Variants in TRIM66 observed in about 807,000 individuals in gnomAD.
The protein encoded by TRIM66 is tripartite motif-containing protein 66.
A neutral mutation model predicts 148.2 loss-of-function variants in TRIM66; 99 were observed. The observed-to-expected ratio is 0.67, with a 90% CI of 0.57 to 0.79. TRIM66 has a LOEUF of 0.79. Among genes scored for constraint, TRIM66 ranks in the 30% least tolerant of loss-of-function variants. The probability of loss-of-function intolerance (pLI) is 0.00; values close to 1 mark genes in which losing one functional copy is unlikely to be tolerated. For missense variants in TRIM66, 1,666 were observed against 1,697.9 expected (o/e 0.98, Z 0.33); for synonymous variants, 616 against 635.9 (o/e 0.97, Z 0.47).
At chr11:8,620,825 T>C (rs1022985803) in intron 20 of TRIM66, among the ~76,000 whole-genome samples, 2 of 152,052 alleles carry the variant, frequency 1.3e-5, no homozygotes, top group Non-Finnish European at 2.9e-5. Flanking sequence ...AGAAAAGAGG[T>C]AGAAATGAAG....
intron 6 of TRIM66, among the ~76,000 whole-genome samples, chr11:8,652,664 T>A (rs2037460560): frequency 6.6e-6 from 1 of 152,114 alleles, no homozygotes; most frequent in African/African-American, 2.4e-5. Context: ...CCACAGTGAT[T>A]CTGCCGGCCC....
upstream of TRIM66, chr11:8,682,923 C>A: frequency 2.1e-6 from 3 of 1,412,006 alleles, no homozygotes; most frequent in Non-Finnish European, 2.9e-6. Flanking sequence ...GGCTTCCAGG[C>A]TGCGCATGGC....
chr11:8,667,077 C>CA (rs1190952908), intron 6 of TRIM66, among the ~76,000 whole-genome samples: 3 of 152,170 alleles, frequency 2.0e-5, no homozygotes, highest in African/African-American at 4.8e-5. Context: ...CTTGGCCTCT[C>CA]AAAGTGCTGG....
At chr11:8,664,715 T>C (rs2038480797) in intron 6 of TRIM66, among the ~76,000 whole-genome samples, 1 of 152,190 alleles carries the variant, frequency 6.6e-6, no homozygotes, top group South Asian at 2.1e-4. Flanking sequence ...ATTCTATAAA[T>C]ATTCACTTAA....
upstream of TRIM66, chr11:8,683,086 C>A: frequency 1.7e-6 from 2 of 1,164,024 alleles, no homozygotes; most frequent in Admixed American, 1.9e-5. Context: ...TCAGCTTTCC[C>A]AAACGCTCCA....
At chr11:8,657,764 C>A (rs549870689) in intron 6 of TRIM66, among the ~76,000 whole-genome samples, 2 of 152,334 alleles carry the variant, frequency 1.3e-5, no homozygotes, top group East Asian at 3.9e-4. Flanking sequence ...TCCAACCCAC[C>A]ACTCAGAGCA....
chr11:8,672,408 G>C (rs1319308488), intron 4 of TRIM66, 23 bp from the exon 5 acceptor site: 5 of 1,485,660 alleles, frequency 3.4e-6, no homozygotes, highest in Middle Eastern at 1.7e-4. Flanking sequence ...TTTGGAAAAA[G>C]GAAGAAAATT....
At chr11:8,635,942 C>T (rs1362789522) in intron 15 of TRIM66, among the ~76,000 whole-genome samples, 1 of 152,210 alleles carries the variant, frequency 6.6e-6, no homozygotes, top group Non-Finnish European at 1.5e-5. Context: ...GCTTCCACTA[C>T]AACTGAGCAC....
At chr11:8,675,074 C>T (rs1331443655) in intron 3 of TRIM66, among the ~76,000 whole-genome samples, 191 bp from the exon 4 acceptor site, 1 of 152,196 alleles carries the variant, frequency 6.6e-6, no homozygotes, top group Non-Finnish European at 1.5e-5. Flanking sequence ...TTTCCCCAGG[C>T]ACAGTTTTTT....
chr11:8,674,345 A>G (rs2039080484), intron 4 of TRIM66, among the ~76,000 whole-genome samples: 1 of 152,218 alleles, frequency 6.6e-6, no homozygotes, highest in African/African-American at 2.4e-5. Context: ...CGAATAACAT[A>G]CTTTTTGGAA....
chr11:8,621,876 C>T, intron 18 of TRIM66, 57 bp from the exon 19 acceptor site: 1 of 1,445,270 alleles, frequency 6.9e-7, no homozygotes, highest in Non-Finnish European at 9.2e-7. Context: ...GTCCCAACCT[C>T]TAAGTCAGAA....
At chr11:8,646,360 C>G (rs2036845807) in intron 11 of TRIM66, 87 bp downstream of exon 11, 2 of 1,079,312 alleles carry the variant, frequency 1.9e-6, no homozygotes, top group South Asian at 2.8e-5. Context: ...ATCTGAATTA[C>G]AGCCTAGGCT....
At chr11:8,670,313 G>C (rs963883712) in intron 6 of TRIM66, among the ~76,000 whole-genome samples, 4 of 152,088 alleles carry the variant, frequency 2.6e-5, no homozygotes, top group Admixed American at 2.0e-4. Flanking sequence ...CACCAGGCCT[G>C]ATAGGTAGTT....
At chr11:8,682,794 T>C (rs866351071), upstream of TRIM66, 1 of 1,613,346 alleles carries the variant, frequency 6.2e-7, no homozygotes, top group Non-Finnish European at 8.5e-7. Context: ...AGGCCTTCCT[T>C]TTTCGTCTGG....
chr11:8,625,870 C>T (rs2034797186), intron 15 of TRIM66, among the ~76,000 whole-genome samples: 2 of 152,184 alleles, frequency 1.3e-5, no homozygotes, highest in Non-Finnish European at 2.9e-5. Context: ...AGATCAACTC[C>T]AAGCACTACT....
At chr11:8,625,593 T>C (rs1459665929) in intron 15 of TRIM66, among the ~76,000 whole-genome samples, 1 of 151,950 alleles carries the variant, frequency 6.6e-6, no homozygotes, top group Non-Finnish European at 1.5e-5. Context: ...GCCATATCCC[T>C]CACCCCAGTC....
intron 18 of TRIM66, 112 bp downstream of exon 18, chr11:8,622,704 C>A: frequency 1.0e-6 from 1 of 994,200 alleles, no homozygotes. Context: ...AAGGCAGTTG[C>A]AGGCAAATTT....
chr11:8,682,959 C>T (rs1021387029), upstream of TRIM66: 3 of 1,192,394 alleles, frequency 2.5e-6, no homozygotes, highest in Non-Finnish European at 1.2e-6. Context: ...GTGGCCGGCG[C>T]GGGCCCGGGG....
At chr11:8,671,737 G>T (rs2038943856) in intron 6 of TRIM66, 49 bp downstream of exon 6, 1 of 826,534 alleles carries the variant, frequency 1.2e-6, no homozygotes, top group Non-Finnish European at 2.0e-6. Context: ...GAAACAGGAA[G>T]AGACCTGTTA....
Sources: gnomAD v4.1 joint callset for allele counts (sites outside exome capture counted in the v4.1 genomes callset) on GRCh38, gnomAD v4.1.1 for gene constraint, MANE v1.5 for transcripts, NCBI Gene and HGNC (gene_info 2026-07-23, HGNC 2026-07-21) for gene names.